MDN1: variants seen among roughly 807,000 people sequenced by gnomAD.
MDN1 encodes the protein midasin AAA ATPase 1.
MDN1 carries 266 observed loss-of-function variants against 669.2 expected under a neutral mutation model. That is an observed-to-expected ratio of 0.40 (90% CI 0.36 to 0.44). The LOEUF (loss-of-function observed/expected upper bound fraction) is 0.44, where lower values mean the gene tolerates loss of function less well. Among genes scored for constraint, MDN1 ranks in the 20% least tolerant of loss-of-function variants. The pLI is 1.00. For synonymous variants in MDN1, 2,385 were observed against 2,457.1 expected (o/e 0.97, Z 0.87); for missense variants, 5,940 against 6,754.0 (o/e 0.88, Z 4.22).
rs765489515 is a variant in MDN1 at position 89,658,303 on chromosome 6, T to A, written c.15089A>T (p.His5030Leu). 10 of 1,614,068 alleles carry A rather than the reference T, an allele frequency of 6.2e-6. No individual in the cohort carries two copies. Among genetic ancestry groups the A allele is most frequent in the Non-Finnish European group, 7.6e-6 (9 of 1,180,024 alleles). Residue 5030 changes from histidine to leucine, a missense_variant, in exon 90 of 102, where the codon CAT (histidine) becomes CTT (leucine). Transcript: ENST00000369393. Reference sequence around the variant, plus strand: ...CACACCAGTCTGCCCACAGGAGGCATGCTCCTTCCTCTCCAAAGCCTCTGG... The same window carrying A: ...CACACCAGTCTGCCCACAGGAGGCAAGCTCCTTCCTCTCCAAAGCCTCTGG... ...QVPEALERKE[H>L]ASCGQTGVEN...
At chr6:89,688,314 GGCA>G (rs1562091760) in intron 66 of MDN1, 141 bp from the exon 67 acceptor site, 16 of 797,058 alleles carry the variant, frequency 2.0e-5, no homozygotes, top group Non-Finnish European at 2.0e-6. Context: ...AGAGCAACAT[GGCA>G]GCATTTTATT....
rs1813846963 is a variant in MDN1 at position 89,710,779 on chromosome 6, T to C, written c.7667A>G (p.His2556Arg). 20 of 1,598,580 alleles carry C rather than the reference T, an allele frequency of 1.3e-5. No individual in the cohort carries two copies. Among genetic ancestry groups the C allele is most frequent in the Non-Finnish European group, 1.7e-5 (20 of 1,170,790 alleles). ...IPQGLESIQI[H>R]LEASAASLRN... ...GAGAGATGCAGCACTGGCTTCCAAA[T>C]GAATTTGTATGGACTCTGTGGAGGA... The change falls in exon 50 of 102, where the codon CAT becomes CGT. Residue 2556 changes from histidine to arginine, a missense_variant. His to Arg is a conservative substitution (Grantham distance 29). Coordinates refer to ENST00000369393, the MANE Select transcript of MDN1 (RefSeq NM_014611.3).
chr6:89,811,883 CT>C (rs1472060160), intron 1 of MDN1, among the ~76,000 whole-genome samples: 2 of 152,154 alleles, frequency 1.3e-5, no homozygotes, highest in African/African-American at 4.8e-5. Flanking sequence ...TCTCACTTCT[CT>C]TAACATTCTG....
At chr6:89,754,529 A>T (rs1174278322) in intron 20 of MDN1, among the ~76,000 whole-genome samples, 1 of 152,254 alleles carries the variant, frequency 6.6e-6, no homozygotes, top group Non-Finnish European at 1.5e-5. Context: ...TCTGTGTTCC[A>T]GAGTCTGTTC....
At chr6:89,666,542 C>T (rs1430175406) in intron 84 of MDN1, among the ~76,000 whole-genome samples, 1 of 152,088 alleles carries the variant, frequency 6.6e-6, no homozygotes, top group African/African-American at 2.4e-5. Context: ...TATGTTGCCC[C>T]GGCTGGTCTC....
At chr6:89,712,921 C>T in intron 47 of MDN1, 135 bp from the exon 48 acceptor site, 6 of 823,926 alleles carry the variant, frequency 7.3e-6, no homozygotes, top group Non-Finnish European at 1.1e-5. Flanking sequence ...AAACACAAGT[C>T]AAATTCTACT....
At chr6:89,779,147 CA>C (rs1818513978) in intron 11 of MDN1, among the ~76,000 whole-genome samples, 2 of 151,948 alleles carry the variant, frequency 1.3e-5, no homozygotes, top group Non-Finnish European at 2.9e-5. Context: ...AAGAGCTGGA[CA>C]AAAACAATTT....
In MDN1 at chr6:89,740,395, A is replaced by G; in HGVS notation, c.4449-17T>C. ...TCAAGGACACTAAAAGAAAAATTGA[A>G]GAACAGTGAAAAGGGCTTATACAAT... is the stretch of plus-strand genomic sequence containing the variant. On this transcript the variant is annotated splice_polypyrimidine_tract_variant and intron_variant, in intron 31 of 101. Transcript: ENST00000369393. The G allele has an allele frequency of 1.3e-6, 2 of 1,567,264 alleles. No homozygotes were observed. Among genetic ancestry groups the G allele is most frequent in the African/African-American group, 1.4e-5 (1 of 71,328 alleles).
chr6:89,756,609 G>A (rs972231346), intron 19 of MDN1, among the ~76,000 whole-genome samples: 1 of 152,120 alleles, frequency 6.6e-6, no homozygotes, highest in African/African-American at 2.4e-5. Flanking sequence ...AGTCTTCTAC[G>A]TATAGTCCTT....
intron 22 of MDN1, among the ~76,000 whole-genome samples, chr6:89,752,398 C>T (rs6900021): frequency 2.0e-5 from 3 of 151,916 alleles, no homozygotes; most frequent in Non-Finnish European, 2.9e-5. Flanking sequence ...TACAATTTAC[C>T]GAAAGTATTT....
At position 89,811,952 on chromosome 6, in the gene MDN1, T is replaced by G. The variant is rs145155360; in HGVS notation, c.102+7554A>C. Among the ~76,000 whole-genome samples the G allele has an allele frequency of 3.2e-3, 492 of 152,170 alleles. 1 individual carries two copies. The highest frequency in any genetic ancestry group is 0.011 in the African/African-American group (471 of 41,528). ...GGATACAAGCAAGTATGAGGAAAGC[T>G]GAAGAATACTGATTACTTAACAAAT... On this transcript the variant is annotated intron_variant, in intron 1 of 101. Coordinates refer to ENST00000369393, the MANE Select transcript of MDN1 (RefSeq NM_014611.3).
chr6:89,788,529 T>C (rs1359390837), intron 7 of MDN1, among the ~76,000 whole-genome samples: 2 of 152,130 alleles, frequency 1.3e-5, no homozygotes, highest in African/African-American at 4.8e-5. Context: ...CTGTTATGTG[T>C]AGGGTAGAAT....
intron 2 of MDN1, among the ~76,000 whole-genome samples, chr6:89,801,708 T>A (rs1767676838): frequency 6.9e-6 from 1 of 145,632 alleles, no homozygotes; most frequent in African/African-American, 2.6e-5. Flanking sequence ...GGCGGGAGAA[T>A]CACTTGAACC....
At chr6:89,815,629 G>C (rs969078459) in intron 1 of MDN1, among the ~76,000 whole-genome samples, 3 of 152,146 alleles carry the variant, frequency 2.0e-5, no homozygotes, top group Non-Finnish European at 4.4e-5. Flanking sequence ...GCAGAGGTGG[G>C]GAGAATTGTT....
chr6:89,669,860 C>T (rs902481657), intron 83 of MDN1, among the ~76,000 whole-genome samples: 1 of 151,814 alleles, frequency 6.6e-6, no homozygotes, highest in African/African-American at 2.4e-5. Context: ...AACCTCAGTG[C>T]TTTTCACAAT....
In MDN1 at chr6:89,674,523, G is replaced by A. The variant is rs1428882969; in HGVS notation, c.12828C>T (p.Ala4276=). ...GCTGCACGCCATCCTGAGGGGGGAA[G>A]GCCACGGGGTAGGCCTGGGGCCCCA... is the stretch of plus-strand genomic sequence containing the variant. ...RLMGPQAYPV[A]FPPQDGVQQW... is the part of the protein sequence containing the mutation. The change falls in exon 79 of 102, where the codon GCC becomes GCT. Residue 4276 remains alanine (A), a synonymous_variant. Transcript: ENST00000369393. 2 of 1,607,644 alleles carry A rather than the reference G, an allele frequency of 1.2e-6. No homozygotes were observed. The highest frequency in any genetic ancestry group is 1.7e-6 in the Non-Finnish European group (2 of 1,179,530).
chr6:89,645,998 C>T (rs912968312), intron 100 of MDN1, among the ~76,000 whole-genome samples: 1 of 152,148 alleles, frequency 6.6e-6, no homozygotes, highest in Non-Finnish European at 1.5e-5. Context: ...GAATACAGTA[C>T]TTGCAGGGGG....
rs750785659 is a variant in MDN1 at position 89,701,614 on chromosome 6, C to G, written c.8371G>C (p.Gly2791Arg). The change falls in exon 55 of 102, where the codon GGC becomes CGC. Residue 2791 changes from glycine (G) to arginine (R), a missense_variant. Gly to Arg is a moderately radical substitution (Grantham distance 125). Transcript: ENST00000369393. ...TGCAACTTCTTTATACCAGCGAAGC[C>G]ACCAGTCTGGCTCCCCAGACAATTC... ...IQNCLGSQTG[G>R]FAGIKKLQKF... 1 of 1,614,146 alleles carries G rather than the reference C, an allele frequency of 6.2e-7. No homozygotes were observed. Among genetic ancestry groups the G allele is most frequent in the Non-Finnish European group, 8.5e-7 (1 of 1,180,002 alleles).
chr6:89,756,243 AAG>A, intron 20 of MDN1, 32 bp downstream of exon 20: 1 of 1,051,022 alleles, frequency 9.5e-7, no homozygotes, highest in Non-Finnish European at 1.4e-6. Flanking sequence ...TGTTCAGAGA[AAG>A]AGCTTATAAA....
Sources: gnomAD v4.1 joint callset for allele counts (sites outside exome capture counted in the v4.1 genomes callset) on GRCh38, gnomAD v4.1.1 for gene constraint, MANE v1.5 for transcripts, NCBI Gene and HGNC (gene_info 2026-07-23, HGNC 2026-07-21) for gene names.